CBFB: variants seen among roughly 807,000 people sequenced by gnomAD.
CBFB encodes the protein core-binding factor subunit beta.
Under a neutral mutation model 30.4 loss-of-function variants are expected in CBFB, and 9 were observed. That is an observed-to-expected ratio of 0.30 (90% CI 0.18 to 0.52). The LOEUF (loss-of-function observed/expected upper bound fraction) is 0.52, where lower values mean the gene tolerates loss of function less well. CBFB is among the 20% of genes least tolerant of loss of function. The probability of loss-of-function intolerance (pLI) is 0.97; values close to 1 mark genes in which losing one functional copy is unlikely to be tolerated. For missense variants in CBFB, 170 were observed against 244.0 expected (o/e 0.70, Z 2.02); for synonymous variants, 94 against 84.0 (o/e 1.12, Z -0.65).
chr16:67,079,325 A>T (rs982176667), intron 4 of CBFB, among the ~76,000 whole-genome samples: 1 of 152,190 alleles, frequency 6.6e-6, no homozygotes, highest in Non-Finnish European at 1.5e-5. Flanking sequence ...GTGCATCACA[A>T]GAATGGGAAT....
chr16:67,050,650 G>A (rs1440896174), intron 3 of CBFB, among the ~76,000 whole-genome samples: 9 of 152,038 alleles, frequency 5.9e-5, no homozygotes, highest in African/African-American at 2.2e-4. Flanking sequence ...AAAATTAGCC[G>A]GGTATGGTGG....
intron 3 of CBFB, among the ~76,000 whole-genome samples, chr16:67,048,798 C>T (rs1021597832): frequency 4.0e-5 from 6 of 148,362 alleles, no homozygotes; most frequent in East Asian, 2.0e-4. Flanking sequence ...TGTGAGCCAC[C>T]GTGTCTAGCC....
chr16:67,041,942 T>A (rs1362850599), intron 3 of CBFB, among the ~76,000 whole-genome samples: 1 of 150,552 alleles, frequency 6.6e-6, no homozygotes, highest in Non-Finnish European at 1.5e-5. Flanking sequence ...AAGGTCTTAT[T>A]CTGTTGCCAG....
chr16:67,085,736 G>C (rs1281446942), intron 5 of CBFB, among the ~76,000 whole-genome samples: 1 of 145,918 alleles, frequency 6.9e-6, no homozygotes, highest in East Asian at 2.0e-4. Flanking sequence ...GGAGTGCAGT[G>C]GCGCATTCTC....
chr16:67,079,071 T>C (rs1338167284), intron 4 of CBFB, among the ~76,000 whole-genome samples: 1 of 152,230 alleles, frequency 6.6e-6, no homozygotes, highest in Non-Finnish European at 1.5e-5. Context: ...GCTTATATTA[T>C]GTCCTGAGAA....
chr16:67,029,672 C>G, intron 1 of CBFB, 55 bp from the exon 2 acceptor site: 1 of 1,478,544 alleles, frequency 6.8e-7, no homozygotes, highest in South Asian at 1.2e-5. Context: ...GGAGGGCGGG[C>G]GCGCGGGCGG....
chr16:67,050,034 A>G (rs928394782), intron 3 of CBFB, among the ~76,000 whole-genome samples: 6 of 151,836 alleles, frequency 4.0e-5, no homozygotes, highest in African/African-American at 1.2e-4. Flanking sequence ...TGTTCTTTGC[A>G]TACTACACTA....
chr16:67,045,166 TTTAG>T (rs1171506042), intron 3 of CBFB, among the ~76,000 whole-genome samples: 1 of 150,876 alleles, frequency 6.6e-6, no homozygotes, highest in Non-Finnish European at 1.5e-5. Flanking sequence ...AAGTTTTTAT[TTTAG>T]TTATTTTAGT....
chr16:67,048,024 G>A (rs568677759), intron 3 of CBFB, among the ~76,000 whole-genome samples: 4 of 152,072 alleles, frequency 2.6e-5, no homozygotes, highest in East Asian at 3.9e-4. Context: ...AGCCAAGATC[G>A]CGCCACTGCA....
chr16:67,086,527 C>A (rs1450452830), intron 5 of CBFB, among the ~76,000 whole-genome samples: 2 of 152,174 alleles, frequency 1.3e-5, no homozygotes, highest in Non-Finnish European at 2.9e-5. Context: ...CTACCACAAT[C>A]CTTTGTACAC....
intron 3 of CBFB, among the ~76,000 whole-genome samples, chr16:67,038,601 G>A (rs943088582): frequency 1.3e-5 from 2 of 152,008 alleles, no homozygotes; most frequent in African/African-American, 2.4e-5. Flanking sequence ...TTACTATTTG[G>A]TAATTCTTAC....
Position 67,029,257 on chromosome 16 carries a change from A to C in CBFB, c.-151A>C. ...GCGGCGGCGCCTCAGACTCCCCGGA[A>C]CGGGAGCCCACGCGGGCGGGCGCCT... On this transcript the variant is annotated 5_prime_UTR_variant, in exon 1 of 6. Transcript: ENST00000412916. The C allele has an allele frequency of 4.9e-6, 2 of 407,078 alleles. No homozygotes were observed. Among genetic ancestry groups the C allele is most frequent in the Non-Finnish European group, 4.0e-6 (1 of 247,926 alleles). 25.2% of individuals were successfully genotyped at this position (407,078 alleles called of 1,614,324 possible).
Position 67,029,672 on chromosome 16 carries a change from C to T in CBFB, c.79-55C>T. The T allele has an allele frequency of 8.1e-6, 12 of 1,478,544 alleles. No individual in the cohort carries two copies. The Admixed American group carries it at 9.1e-5, about 11-fold the overall frequency. 91.6% of individuals were successfully genotyped at this position (1,478,544 alleles called of 1,614,324 possible). A position where few individuals can be genotyped will look rare whatever the true frequency, so the allele number is the denominator to read the frequency against. Reference sequence around the variant, plus strand: ...ATCGGCGCTGCGCTGGGAGGGCGGGCGCGCGGGCGGCGCCGCGGATTTGGC... The same window carrying T: ...ATCGGCGCTGCGCTGGGAGGGCGGGTGCGCGGGCGGCGCCGCGGATTTGGC... On this transcript the variant is annotated intron_variant, in intron 1 of 5. Coordinates refer to ENST00000412916, the MANE Select transcript of CBFB (RefSeq NM_022845.3).
chr16:67,082,355 C>G, intron 5 of CBFB, 47 bp downstream of exon 5: 1 of 1,603,800 alleles, frequency 6.2e-7, no homozygotes, highest in Non-Finnish European at 8.5e-7. Context: ...TACTTTCCCC[C>G]AAACTCTCAG....
At chr16:67,036,542 T>A in intron 2 of CBFB, 97 bp from the exon 3 acceptor site, 1 of 725,706 alleles carries the variant, frequency 1.4e-6, no homozygotes, top group East Asian at 2.5e-5. Flanking sequence ...CTGTGCTGCC[T>A]GGCTTAAGAC....
intron 4 of CBFB, among the ~76,000 whole-genome samples, chr16:67,067,231 C>G (rs1170056960): frequency 6.7e-6 from 1 of 148,690 alleles, no homozygotes; most frequent in Non-Finnish European, 1.5e-5. Flanking sequence ...AAAAAAAAAG[C>G]TGGACGTGGT....
intron 5 of CBFB, among the ~76,000 whole-genome samples, chr16:67,090,867 T>C (rs1395204107): frequency 1.3e-5 from 2 of 152,232 alleles, no homozygotes; most frequent in Non-Finnish European, 2.9e-5. Flanking sequence ...CAAAAAGTTT[T>C]ATGTGGTTTT....
At chr16:67,034,903 C>A (rs1401645465) in intron 2 of CBFB, among the ~76,000 whole-genome samples, 1 of 152,138 alleles carries the variant, frequency 6.6e-6, no homozygotes, top group Non-Finnish European at 1.5e-5. Context: ...CAGACACTTT[C>A]ATAGCATTTA....
intron 3 of CBFB, among the ~76,000 whole-genome samples, chr16:67,055,438 T>C (rs1960692812): frequency 7.1e-6 from 1 of 139,904 alleles, no homozygotes; most frequent in African/African-American, 2.7e-5. Flanking sequence ...GCATCTCGGC[T>C]CACTGCAAGC....
Sources: gnomAD v4.1 joint callset for allele counts (sites outside exome capture counted in the v4.1 genomes callset) on GRCh38, gnomAD v4.1.1 for gene constraint, MANE v1.5 for transcripts, NCBI Gene and HGNC (gene_info 2026-07-23, HGNC 2026-07-21) for gene names.